Variants in ZNF780B observed in about 807,000 individuals in gnomAD.
The protein encoded by ZNF780B is zinc finger protein 779.
In ZNF780B, 52 loss-of-function variants were observed where a neutral mutation model predicts 74.1. The ratio of observed to expected loss-of-function variants is 0.70; its 90% confidence interval spans 0.56 to 0.88. ZNF780B has a LOEUF of 0.88. Among genes scored for constraint, ZNF780B ranks in the 40% least tolerant of loss-of-function variants. ZNF780B has a pLI of 0.00. For missense variants in ZNF780B, 953 were observed against 1,007.6 expected (o/e 0.95, Z 0.73); for synonymous variants, 315 against 324.3 (o/e 0.97, Z 0.31).
chr19:40,029,376 CAG>C lies in ZNF780B; in HGVS notation c.*4979_*4980del, dbSNP rs1318501457. On this transcript the variant is annotated 3_prime_UTR_variant, in exon 5 of 5. Transcript: ENST00000434248. ...CAGAAACACCATGACAAATTTAAATCAGAGCAATATCTCCAAAAATGGGAGGC... is the reference window on the plus strand; with the variant it reads ...CAGAAACACCATGACAAATTTAAATCAGCAATATCTCCAAAAATGGGAGGC... 1 of 154,686 alleles carries C rather than the reference CAG, an allele frequency of 6.5e-6. No homozygotes were observed. Among genetic ancestry groups the C allele is most frequent in the Non-Finnish European group, 1.5e-5 (1 of 68,218 alleles). The allele number at this position is 154,686 out of a possible 1,614,324, so 9.6% of individuals were successfully genotyped here.
intron 1 of ZNF780B, among the ~76,000 whole-genome samples, chr19:40,052,685 T>C (rs1458154117): frequency 6.6e-6 from 1 of 152,080 alleles, no homozygotes; most frequent in African/African-American, 2.4e-5. Context: ...GACTTCAATA[T>C]ATACTACAAA....
In ZNF780B at chr19:40,031,804, G is replaced by C. The variant is rs1972012893; in HGVS notation, c.*2553C>G. On this transcript the variant is annotated 3_prime_UTR_variant, in exon 5 of 5. Transcript: ENST00000434248. ...ATTTTGTATTCAATCCAGGGCTTAA[G>C]TACACGTGACTATAACTTTTCAGAG... 1 of 266,046 alleles carries C rather than the reference G, an allele frequency of 3.8e-6. No homozygotes were observed. The highest frequency in any genetic ancestry group is 2.2e-5 in the African/African-American group (1 of 45,350). The allele number at this position is 266,046 out of a possible 1,614,324, so 16.5% of individuals were successfully genotyped here.
At chr19:40,052,477 C>T (rs1333919494) in intron 1 of ZNF780B, among the ~76,000 whole-genome samples, 2 of 151,880 alleles carry the variant, frequency 1.3e-5, no homozygotes, top group Non-Finnish European at 2.9e-5. Context: ...CATAGTACTT[C>T]AATACATTAT....
intron 4 of ZNF780B, among the ~76,000 whole-genome samples, chr19:40,038,685 ATG>A (rs1436145659): frequency 6.6e-6 from 1 of 151,928 alleles, no homozygotes; most frequent in African/African-American, 2.4e-5. Context: ...GCATTTTTTC[ATG>A]TGTTTTTTGG....
rs751203844 is a variant in ZNF780B at position 40,035,731 on chromosome 19, A to G, written c.1128T>C (p.Leu376=). The change falls in exon 5 of 5, where the codon CTT becomes CTC. Residue 376 remains leucine, a synonymous_variant. Transcript: ENST00000434248. ...CGKAFSLLNQ[L]NRHKNIHTGE... Reference sequence around the variant, plus strand: ...CTGTGTGAATATTCTTATGGCGATTAAGCTGATTGAGGAGACTAAAGGCCT... The same window carrying G: ...CTGTGTGAATATTCTTATGGCGATTGAGCTGATTGAGGAGACTAAAGGCCT... 1.2e-6 allele frequency: 2 copies of G among 1,614,092 alleles called. No homozygotes were observed. Among genetic ancestry groups the G allele is most frequent in the East Asian group, 4.5e-5 (2 of 44,880 alleles).
Position 40,034,221 on chromosome 19 carries a change from A to C in ZNF780B, c.*136T>G. 1.3e-6 allele frequency: 1 copy of C among 765,372 alleles called. No homozygotes were observed. Among genetic ancestry groups the C allele is most frequent in the South Asian group, 1.8e-5 (1 of 55,264 alleles). 47.4% of individuals were successfully genotyped at this position (765,372 alleles called of 1,614,324 possible). A position where few individuals can be genotyped will look rare whatever the true frequency, so the allele number is the denominator to read the frequency against. On this transcript the variant is annotated 3_prime_UTR_variant, in exon 5 of 5. Coordinates refer to ENST00000434248, the MANE Select transcript of ZNF780B (RefSeq NM_001005851.3). Reference sequence around the variant, plus strand: ...AGTATGAATTCTCTGATGTACTCTAAGGTTTCTACCACTGGTAAAGCATTT... The same window carrying C: ...AGTATGAATTCTCTGATGTACTCTACGGTTTCTACCACTGGTAAAGCATTT...
chr19:40,050,374 TC>T lies in ZNF780B; in HGVS notation c.-43del. ...AATTGGTCAATCTTCCTCGGGCTTC[TC>T]CCCTGGAAAACAACAACAACAAAAA... On this transcript the variant is annotated splice_region_variant and 5_prime_UTR_variant, in exon 2 of 5. Coordinates refer to ENST00000434248, the MANE Select transcript of ZNF780B (RefSeq NM_001005851.3). 1 of 1,583,482 alleles carries T rather than the reference TC, an allele frequency of 6.3e-7. No individual in the cohort carries two copies. The highest frequency in any genetic ancestry group is 1.1e-5 in the South Asian group (1 of 88,146).
chr19:40,037,247 G>A (rs1408635600), intron 4 of ZNF780B, among the ~76,000 whole-genome samples: 1 of 149,280 alleles, frequency 6.7e-6, no homozygotes, highest in Admixed American at 6.6e-5. Flanking sequence ...AAGAGACAGG[G>A]TCTCTCTCTG....
At chr19:40,053,850 G>A (rs946267097) in intron 1 of ZNF780B, among the ~76,000 whole-genome samples, 3 of 152,192 alleles carry the variant, frequency 2.0e-5, no homozygotes, top group Non-Finnish European at 4.4e-5. Context: ...TCTGAAAAAT[G>A]TTCATATAGG....
chr19:40,041,577 A>G (rs2144761813), intron 4 of ZNF780B, among the ~76,000 whole-genome samples: 1 of 152,218 alleles, frequency 6.6e-6, no homozygotes, highest in African/African-American at 2.4e-5. Context: ...TTGCTTTATG[A>G]ATCTGGGTGC....
rs1971964713 is a variant in ZNF780B at position 40,030,292 on chromosome 19, A to T, written c.*4065T>A. On this transcript the variant is annotated 3_prime_UTR_variant, in exon 5 of 5. Transcript: ENST00000434248. ...GCAGACATCACATGGCAAGAGAGGAAGCAAGAGGGTGAGGAAGGAGGTGCC... is the reference window on the plus strand; with the variant it reads ...GCAGACATCACATGGCAAGAGAGGATGCAAGAGGGTGAGGAAGGAGGTGCC... 1 of 152,452 alleles carries T rather than the reference A, an allele frequency of 6.6e-6. No individual in the cohort carries two copies. Among genetic ancestry groups the T allele is most frequent in the Admixed American group, 6.5e-5 (1 of 15,274 alleles). 9.4% of individuals were successfully genotyped at this position (152,452 alleles called of 1,614,324 possible). A position where few individuals can be genotyped will look rare whatever the true frequency, so the allele number is the denominator to read the frequency against.
At chr19:40,039,586 C>T (rs1323533544) in intron 4 of ZNF780B, among the ~76,000 whole-genome samples, 1 of 151,390 alleles carries the variant, frequency 6.6e-6, no homozygotes. Flanking sequence ...CTTTTATTTC[C>T]TTGAGCAGTG....
chr19:40,047,514 A>C (rs761130654), intron 3 of ZNF780B, 44 bp from the exon 4 acceptor site: 1 of 1,444,174 alleles, frequency 6.9e-7, no homozygotes, highest in Admixed American at 2.3e-5. Context: ...TTAATATAAA[A>C]ATTTTTTTTA....
Position 40,051,372 on chromosome 19 carries a change from C to T in ZNF780B, c.-45-995G>A, listed in dbSNP as rs144717383. On this transcript the variant is annotated intron_variant, in intron 1 of 4. Coordinates refer to ENST00000434248, the MANE Select transcript of ZNF780B (RefSeq NM_001005851.3). ...TTTTATTTAGACATTTTCCTTTCAA[C>T]GTGGGGACAAAAAAAGGAAACTCTA... Among the ~76,000 whole-genome samples the T allele has an allele frequency of 9.4e-3, 1,421 of 151,874 alleles. 20 individuals are homozygous for T. Among genetic ancestry groups the T allele is most frequent in the African/African-American group, 0.033 (1,353 of 41,450 alleles).
Position 40,034,482 on chromosome 19 carries a change from G to A in ZNF780B, c.2377C>T (p.His793Tyr), listed in dbSNP as rs1421943539. Residue 793 changes from histidine to tyrosine, a missense_variant, in exon 5 of 5, where the codon CAC becomes TAC. By Grantham distance (83) the His-to-Tyr change is moderately conservative. Coordinates refer to ENST00000434248, the MANE Select transcript of ZNF780B (RefSeq NM_001005851.3). Reference protein sequence around the residue: ...CKECGKAFRLHLQLSLHQKLV... With the variant: ...CKECGKAFRLYLQLSLHQKLV... ...TTTTGATGCAGAGAAAGTTGTAGGT[G>A]AAGTCTAAAAGCCTTCCCACACTCC... is the stretch of plus-strand genomic sequence containing the variant. 3.1e-6 allele frequency: 5 copies of A among 1,613,292 alleles called. No individual in the cohort carries two copies. The South Asian group carries it at 3.3e-5, about 11-fold the overall frequency.
At position 40,036,168 on chromosome 19, in the gene ZNF780B, T is replaced by G; in HGVS notation, c.691A>C (p.Asn231His). 6.2e-7 allele frequency: 1 copy of G among 1,613,988 alleles called. No individual in the cohort carries two copies. Among genetic ancestry groups the G allele is most frequent in the Non-Finnish European group, 8.5e-7 (1 of 1,179,966 alleles). Residue 231 changes from asparagine to histidine, a missense_variant, in exon 5 of 5, where the codon AAT becomes CAT. Physicochemically the swap from Asn to His is moderately conservative, Grantham distance 68. Coordinates refer to ENST00000434248, the MANE Select transcript of ZNF780B (RefSeq NM_001005851.3). The part of the protein sequence containing the change: ...FECKECGKAF[N>H]LPTQLNRHKN... ...TGGCGATTAAGCTGGGTGGGAAGAT[T>G]AAAGGCTTTTCCACATTCCTTACAT...
chr19:40,041,968 T>C (rs1972665759), intron 4 of ZNF780B, among the ~76,000 whole-genome samples: 1 of 150,552 alleles, frequency 6.6e-6, no homozygotes, highest in African/African-American at 2.4e-5. Context: ...GCTGGTTATT[T>C]TGCTCATTAC....
At chr19:40,052,079 C>T (rs926091852) in intron 1 of ZNF780B, among the ~76,000 whole-genome samples, 2 of 152,074 alleles carry the variant, frequency 1.3e-5, no homozygotes, top group Admixed American at 6.6e-5. Context: ...GTATAATTTG[C>T]TTAGTGATTT....
In ZNF780B at chr19:40,034,672, T is replaced by A; in HGVS notation, c.2187A>T (p.Glu729Asp). 3 of 1,613,982 alleles carry A rather than the reference T, an allele frequency of 1.9e-6. No homozygotes were observed. The highest frequency in any genetic ancestry group is 2.5e-6 in the Non-Finnish European group (3 of 1,179,974). Residue 729 changes from glutamate (E) to aspartate (D), a missense_variant, in exon 5 of 5, where the codon GAA (glutamate) becomes GAT (aspartate). Physicochemically the swap from Glu to Asp is conservative, Grantham distance 45. Coordinates refer to ENST00000434248, the MANE Select transcript of ZNF780B (RefSeq NM_001005851.3). ...HTGEKPFECK[E>D]CGKAFGLLTQ... ...TCAGAAGACCAAAGGCCTTTCCGCA[T>A]TCTTTACATTCAAAGGGTTTCTCAC...
Sources: allele counts gnomAD v4.1 joint callset (sites outside exome capture counted in the v4.1 genomes callset), GRCh38; gene constraint gnomAD v4.1.1; transcripts MANE v1.5; gene names NCBI Gene and HGNC (gene_info 2026-07-23, HGNC 2026-07-21).